CSMD1: variants seen among roughly 807,000 people sequenced by gnomAD.
The protein encoded by CSMD1 is CUB and Sushi multiple domains 1.
CSMD1 carries 213 observed loss-of-function variants against 417.5 expected under a neutral mutation model. That is an observed-to-expected ratio of 0.51 (90% CI 0.46 to 0.57). The LOEUF (loss-of-function observed/expected upper bound fraction) is 0.57. Among genes scored for constraint, CSMD1 ranks in the 20% least tolerant of loss-of-function variants. The probability of loss-of-function intolerance (pLI) is 0.00; values close to 1 mark genes in which losing one functional copy is unlikely to be tolerated. For synonymous variants in CSMD1, 2,862 were observed against 1,736.8 expected (o/e 1.65, Z -16.11); for missense variants, 6,923 against 4,529.7 (o/e 1.53, Z -15.17).
chr8:4,031,415 T>C (rs1267525905), intron 4 of CSMD1, among the ~76,000 whole-genome samples: 1 of 152,168 alleles, frequency 6.6e-6, no homozygotes, highest in Non-Finnish European at 1.5e-5. Context: ...GGAACTCCTC[T>C]TTTTAAAACC....
rs1563064531 is a variant in CSMD1, at chr8:3,772,494, T to TAC, written c.819-18453_819-18452insGT. Among the ~76,000 whole-genome samples, 7 of 16,594 alleles carry TAC rather than the reference T, an allele frequency of 4.2e-4. 2 individuals carry two copies. The highest frequency in any genetic ancestry group is 6.1e-4 in the African/African-American group (4 of 6,554). 10.9% of individuals were successfully genotyped at this position (16,594 alleles called of 152,430 possible). ...ACATATATATACATATATACACATA[T>TAC]ATACATATATACACATATATACATA... is the stretch of plus-strand genomic sequence containing the variant. On this transcript the variant is annotated intron_variant, in intron 5 of 69. Coordinates refer to ENST00000635120, the MANE Select transcript of CSMD1 (RefSeq NM_033225.6).
chr8:4,134,026 T>C (rs1013070777), intron 3 of CSMD1, among the ~76,000 whole-genome samples: 20 of 152,248 alleles, frequency 1.3e-4, no homozygotes, highest in African/African-American at 4.3e-4. Flanking sequence ...TATACATTTT[T>C]TTAAACATTT....
intron 23 of CSMD1, among the ~76,000 whole-genome samples, chr8:3,317,760 T>A (rs1432725207): frequency 2.0e-5 from 3 of 152,202 alleles, no homozygotes; most frequent in Non-Finnish European, 4.4e-5. Flanking sequence ...GTTATAAATT[T>A]TGTGTTTAGT....
chr8:3,944,303 C>T (rs966364526), intron 5 of CSMD1, among the ~76,000 whole-genome samples: 8 of 151,996 alleles, frequency 5.3e-5, no homozygotes, highest in Non-Finnish European at 8.8e-5. Flanking sequence ...GTTTGAGCCC[C>T]GGATAATTAA....
chr8:4,340,813 A>AC (rs1800432569), intron 3 of CSMD1, among the ~76,000 whole-genome samples: 1 of 152,066 alleles, frequency 6.6e-6, no homozygotes, highest in Non-Finnish European at 1.5e-5. Context: ...TATGCTGCTT[A>AC]CCCACTTCTA....
intron 10 of CSMD1, among the ~76,000 whole-genome samples, chr8:3,516,969 G>C (rs1468237161): frequency 6.6e-6 from 1 of 152,206 alleles, no homozygotes; most frequent in African/African-American, 2.4e-5. Context: ...GCTTCTGTAA[G>C]AATGAGGGTG....
chr8:3,228,101 T>G (rs1489581785), intron 27 of CSMD1, among the ~76,000 whole-genome samples: 1 of 152,208 alleles, frequency 6.6e-6, no homozygotes, highest in African/African-American at 2.4e-5. Flanking sequence ...ATATACATAA[T>G]TATGAAATCA....
At chr8:3,359,061 A>G (rs1808984393) in intron 21 of CSMD1, 91 bp downstream of exon 21, 3 of 1,246,652 alleles carry the variant, frequency 2.4e-6, no homozygotes, top group East Asian at 2.3e-5. Context: ...TTGTCAACAA[A>G]CCCCCACCCG....
intron 3 of CSMD1, among the ~76,000 whole-genome samples, chr8:4,269,641 A>G (rs1240908552): frequency 1.3e-5 from 2 of 152,290 alleles, no homozygotes; most frequent in South Asian, 2.1e-4. Flanking sequence ...AATATCACAC[A>G]TGACTTTATC....
At chr8:4,171,490 T>A (rs1430886277) in intron 3 of CSMD1, among the ~76,000 whole-genome samples, 2 of 152,020 alleles carry the variant, frequency 1.3e-5, no homozygotes, top group East Asian at 3.9e-4. Flanking sequence ...AACAGATGCA[T>A]ATGTGATCAA....
chr8:3,908,728 G>C (rs1046171365), intron 5 of CSMD1, among the ~76,000 whole-genome samples: 7 of 152,146 alleles, frequency 4.6e-5, no homozygotes, highest in African/African-American at 9.7e-5. Flanking sequence ...AGGTCTCAAA[G>C]ATATTATTAA....
chr8:3,049,821 T>C (rs1262605297), intron 50 of CSMD1, among the ~76,000 whole-genome samples: 1 of 152,080 alleles, frequency 6.6e-6, no homozygotes, highest in Non-Finnish European at 1.5e-5. Flanking sequence ...TGCACCCCAC[T>C]CTGGTGTGAG....
At chr8:4,130,475 G>C (rs975807437) in intron 3 of CSMD1, among the ~76,000 whole-genome samples, 4 of 152,100 alleles carry the variant, frequency 2.6e-5, no homozygotes, top group Non-Finnish European at 5.9e-5. Flanking sequence ...TGAAGCTTTT[G>C]AGTGTACCCT....
At chr8:4,625,614 C>G (rs150193207) in intron 2 of CSMD1, among the ~76,000 whole-genome samples, 1 of 151,910 alleles carries the variant, frequency 6.6e-6, no homozygotes, top group Non-Finnish European at 1.5e-5. Context: ...CAACATATCC[C>G]GTGCATTTAC....
chr8:3,279,561 G>C (rs1259577516), intron 26 of CSMD1, among the ~76,000 whole-genome samples: 7 of 152,092 alleles, frequency 4.6e-5, no homozygotes, highest in Admixed American at 4.6e-4. Flanking sequence ...TCTTGCCTAA[G>C]GTTGGGTTTG....
chr8:4,626,405 G>A (rs550287029), intron 2 of CSMD1, among the ~76,000 whole-genome samples: 191 of 152,216 alleles, frequency 1.3e-3, no homozygotes, highest in African/African-American at 4.2e-3. Flanking sequence ...GTATGTGGAA[G>A]GAAGTAGTAG....
intron 1 of CSMD1, among the ~76,000 whole-genome samples, chr8:4,961,616 G>A (rs955046076): frequency 3.3e-5 from 5 of 151,992 alleles, no homozygotes; most frequent in East Asian, 1.9e-4. Flanking sequence ...CCGTTTTGTC[G>A]CTCAAACTTT....
At chr8:4,531,118 C>G (rs1225859983) in intron 2 of CSMD1, among the ~76,000 whole-genome samples, 4 of 152,112 alleles carry the variant, frequency 2.6e-5, no homozygotes, top group Non-Finnish European at 5.9e-5. Context: ...GAGTAGAATA[C>G]AGATATGTAA....
chr8:4,604,410 T>TGTGCGTGC (rs59349269), intron 2 of CSMD1, among the ~76,000 whole-genome samples: 1 of 146,152 alleles, frequency 6.8e-6, no homozygotes, highest in Non-Finnish European at 1.5e-5. Context: ...TGTGTGTGTG[T>TGTGCGTGC]GCGCGTGCGT....
Sources: gnomAD v4.1 joint callset for allele counts (sites outside exome capture counted in the v4.1 genomes callset) on GRCh38, gnomAD v4.1.1 for gene constraint, MANE v1.5 for transcripts, NCBI Gene and HGNC (gene_info 2026-07-23, HGNC 2026-07-21) for gene names.